Variants in C2 observed in about 807,000 individuals in gnomAD.
C2 encodes C3/C5 convertase.
Under a neutral mutation model 85.2 loss-of-function variants are expected in C2, and 64 were observed. The observed-to-expected ratio is 0.75, with a 90% CI of 0.61 to 0.92. C2 has a LOEUF of 0.92. Ranked by LOEUF, C2 falls within the 40% of genes least tolerant of loss-of-function variation. The pLI is 0.00. For missense variants in C2, 820 were observed against 971.6 expected, an observed-to-expected ratio of 0.84 and a Z score of 2.07; for synonymous variants, 311 against 370.8, an observed-to-expected ratio of 0.84 and a Z score of 1.85.
rs1361343222 is a variant in C2, at chr6:31,935,582, G to T, written c.850-341G>T. ...CCTCCTGGGTTCAAGTGATTCTTCT[G>T]CCTCAGCCTCCTGAGTAGCTGGGAT... On this transcript the variant is annotated intron_variant, in intron 6 of 17. Coordinates refer to ENST00000299367, the MANE Select transcript of C2 (RefSeq NM_000063.6). The surrounding 1 kb of genome is among the most constrained non-coding windows in gnomAD (Gnocchi z 4.3). Among the ~76,000 whole-genome samples the T allele has an allele frequency of 1.3e-5, 2 of 152,010 alleles. No individual in the cohort carries two copies. The highest frequency in any genetic ancestry group is 2.4e-5 in the African/African-American group (1 of 41,372).
intron 7 of C2, chr6:31,936,357 G>A (rs1770420180): frequency 4.4e-6 from 2 of 454,156 alleles, no homozygotes; most frequent in African/African-American, 2.0e-5. Flanking sequence ...ATCTCCCCAT[G>A]TCATTAGCCA....
At chr6:31,940,325 T>C (rs139868804) in intron 9 of C2, among the ~76,000 whole-genome samples, 30 of 152,298 alleles carry the variant, frequency 2.0e-4, no homozygotes, top group African/African-American at 7.0e-4. Context: ...ATCATCATCA[T>C]AGCATCTCAT....
At chr6:31,916,310 G>A (rs1480053548), upstream of C2, among the ~76,000 whole-genome samples, 2 of 152,136 alleles carry the variant, frequency 1.3e-5, no homozygotes, top group East Asian at 3.8e-4. Context: ...TGTAATCCCA[G>A]CACTTTGGGA....
At position 31,922,413 on chromosome 6, in the gene C2, C is replaced by T. The variant is rs1397939452; in HGVS notation, c.-100+2387C>T. Among the ~76,000 whole-genome samples, 2 of 152,156 alleles carry T rather than the reference C, an allele frequency of 1.3e-5. No homozygotes were observed. Among genetic ancestry groups the T allele is most frequent in the African/African-American group, 4.8e-5 (2 of 41,430 alleles). ...GTGGCCAGACTGGATAAGGAGTAGACTGGCCACTAGAGTGGGGTCGGCCTC... is the reference window on the plus strand; with the variant it reads ...GTGGCCAGACTGGATAAGGAGTAGATTGGCCACTAGAGTGGGGTCGGCCTC... On this transcript the variant is annotated intron_variant, in intron 1 of 3. Coordinates refer to the C2 transcript ENST00000413154. This position sits in a 1 kb window ranked among gnomAD's most constrained non-coding sequence, Gnocchi z 4.8.
chr6:31,942,197 C>G (rs1336337308), intron 9 of C2, among the ~76,000 whole-genome samples: 6 of 149,190 alleles, frequency 4.0e-5, no homozygotes, highest in Admixed American at 3.4e-4. Context: ...CTTGGCTCAC[C>G]ACAACCACCG....
At chr6:31,934,774 C>A in intron 6 of C2, 1 of 780,774 alleles carries the variant, frequency 1.3e-6, no homozygotes, top group Non-Finnish European at 1.6e-6. Context: ...CTTTGGGAGG[C>A]CGAGGCAGGT....
chr6:31,932,123 C>T (rs9267701), intron 3 of C2, among the ~76,000 whole-genome samples: 1 of 132,238 alleles, frequency 7.6e-6, no homozygotes, highest in African/African-American at 3.0e-5. Context: ...AGGGGCTGAC[C>T]CCCCCACCTC....
chr6:31,939,366 G>A, intron 9 of C2, 46 bp downstream of exon 9: 1 of 1,365,124 alleles, frequency 7.3e-7, no homozygotes, highest in South Asian at 1.2e-5. Flanking sequence ...TCCTGCAGAG[G>A]TCATGAGATC....
intron 9 of C2, among the ~76,000 whole-genome samples, chr6:31,942,093 G>A (rs1317253519): frequency 1.3e-5 from 2 of 150,240 alleles, no homozygotes; most frequent in Non-Finnish European, 3.0e-5. Context: ...TGGGATTACA[G>A]GTGTGAGCCA....
chr6:31,902,823 C>T (rs1251204507), intron 1 of C2, among the ~76,000 whole-genome samples: 1 of 152,134 alleles, frequency 6.6e-6, no homozygotes, highest in African/African-American at 2.4e-5. Flanking sequence ...CTTGTGCTAT[C>T]GATGACCTTG....
At chr6:31,923,483 T>C (rs1769092121), upstream of C2, among the ~76,000 whole-genome samples, 2 of 152,006 alleles carry the variant, frequency 1.3e-5, no homozygotes, top group Admixed American at 6.6e-5. Flanking sequence ...TCTTATTTTG[T>C]TTTTATTTTT....
rs772827459 is a variant in C2, at chr6:31,945,271, C to T, written c.2173C>T (p.Pro725Ser). 4.3e-6 allele frequency: 7 copies of T among 1,613,060 alleles called. No homozygotes were observed. The South Asian group carries it at 6.6e-5, about 15-fold the overall frequency. ...GGCCCCTCGTAGCAAGGTCCCGCCG[C>T]CACGAGACTTTCACATCAATCTCTT... is the stretch of plus-strand genomic sequence containing the variant. ...KRAPRSKVPP[P>S]RDFHINLFRM... is the part of the protein sequence containing the mutation. The change falls in exon 18 of 18, where the codon CCA (proline) becomes TCA (serine). Residue 725 changes from proline (P) to serine (S), a missense_variant. Pro to Ser is a moderately conservative substitution (Grantham distance 74). Transcript: ENST00000299367. The surrounding 1 kb of genome is among the most constrained non-coding windows in gnomAD (Gnocchi z 5.3).
upstream of C2, among the ~76,000 whole-genome samples, chr6:31,899,407 G>C (rs369892515): frequency 1.6e-4 from 24 of 151,914 alleles, no homozygotes; most frequent in East Asian, 4.1e-3. Flanking sequence ...CATTTCCCCA[G>C]CATGCAAGAA....
At chr6:31,918,628 G>C (rs969323417), upstream of C2, among the ~76,000 whole-genome samples, 1 of 151,060 alleles carries the variant, frequency 6.6e-6, no homozygotes, top group African/African-American at 2.4e-5. Context: ...GGCTGGGAGC[G>C]GTGGCTCACG....
intron 1 of C2, among the ~76,000 whole-genome samples, chr6:31,907,646 A>G (rs1463056341): frequency 6.7e-6 from 1 of 150,114 alleles, no homozygotes; most frequent in Non-Finnish European, 1.5e-5. Context: ...TGGTGCAAAG[A>G]AGGCTCACTG....
chr6:31,912,188 G>T (rs1381974337), intron 1 of C2, among the ~76,000 whole-genome samples: 1 of 152,162 alleles, frequency 6.6e-6, no homozygotes, highest in African/African-American at 2.4e-5. Flanking sequence ...GTTGAGGTCT[G>T]CACCTGTTCA....
At chr6:31,938,226 T>C (rs1287936704) in intron 8 of C2, among the ~76,000 whole-genome samples, 1 of 151,958 alleles carries the variant, frequency 6.6e-6, no homozygotes, top group African/African-American at 2.4e-5. Context: ...TGAGCAGGAA[T>C]GTCGAAGGGC....
chr6:31,898,897 G>C (rs888213855), upstream of C2, among the ~76,000 whole-genome samples: 16 of 151,940 alleles, frequency 1.1e-4, no homozygotes, highest in African/African-American at 3.6e-4. Flanking sequence ...ACTTGGGGGA[G>C]TCCCTGACCA....
chr6:31,945,216 TG>T lies in C2; in HGVS notation c.2120del (p.Gly707AlafsTer33), dbSNP rs1158422000. The T allele has an allele frequency of 1.2e-6, 2 of 1,612,948 alleles. No homozygotes were observed. Among genetic ancestry groups the T allele is most frequent in the Non-Finnish European group, 1.7e-6 (2 of 1,180,018 alleles). On this transcript the variant is annotated frameshift_variant, in exon 18 of 18. Transcript: ENST00000299367. LOFTEE classifies it low-confidence loss of function (END_TRUNC). The surrounding 1 kb of genome is among the most constrained non-coding windows in gnomAD (Gnocchi z 5.3). ...GCTGGGGTCTTTACAACCCCTGCCT[TG>T]GCTCTGCTGACAAAAACTCCCGCAA... ...VSWGLYNPCL[G>X]SADKNSRKRA...
Sources: allele counts gnomAD v4.1 joint callset (sites outside exome capture counted in the v4.1 genomes callset), GRCh38; gene constraint gnomAD v4.1.1; non-coding constraint Gnocchi (gnomAD v3.1); transcripts MANE v1.5; gene names NCBI Gene and HGNC (gene_info 2026-07-23, HGNC 2026-07-21).